USP54: variants seen among roughly 807,000 people sequenced by gnomAD.
USP54 encodes ubiquitin carboxyl-terminal hydrolase 54.
In USP54, 87 loss-of-function variants were observed where a neutral mutation model predicts 170.5. The ratio of observed to expected loss-of-function variants is 0.51; its 90% CI spans 0.43 to 0.61. The LOEUF (loss-of-function observed/expected upper bound fraction) is 0.61, where lower values mean the gene tolerates loss of function less well. Ranked by LOEUF, USP54 falls within the 20% of genes least tolerant of loss-of-function variation. The pLI is 0.00. For synonymous variants in USP54, 655 were observed against 742.8 expected (o/e 0.88, Z 1.92); for missense variants, 1,786 against 2,047.8 (o/e 0.87, Z 2.47).
At chr10:73,550,617 G>A (rs985967464) in intron 4 of USP54, among the ~76,000 whole-genome samples, 5 of 152,098 alleles carry the variant, frequency 3.3e-5, no homozygotes, top group African/African-American at 1.2e-4. Flanking sequence ...CATACAAAGT[G>A]TAACCGATAA....
At chr10:73,562,383 T>A (rs2073271626) in intron 4 of USP54, among the ~76,000 whole-genome samples, 1 of 152,176 alleles carries the variant, frequency 6.6e-6, no homozygotes, top group African/African-American at 2.4e-5. Context: ...ATTACATACT[T>A]ACATGAAATC....
Position 73,539,604 on chromosome 10 carries a change from A to C in USP54, c.826-11T>G. Reference sequence around the variant, plus strand: ...CACTCTGAAAAACAGCTGAGGGGAAAGAAGAGAAAAGAAAGCACAGTCACA... The same window carrying C: ...CACTCTGAAAAACAGCTGAGGGGAACGAAGAGAAAAGAAAGCACAGTCACA... On this transcript the variant is annotated splice_polypyrimidine_tract_variant and intron_variant, in intron 9 of 23. Transcript: ENST00000687698. 1 of 1,574,962 alleles carries C rather than the reference A, an allele frequency of 6.3e-7. No homozygotes were observed. The highest frequency in any genetic ancestry group is 8.7e-7 in the Non-Finnish European group (1 of 1,155,842).
intron 3 of USP54, among the ~76,000 whole-genome samples, chr10:73,571,715 A>T: frequency 6.6e-6 from 1 of 152,234 alleles, no homozygotes; most frequent in Non-Finnish European, 1.5e-5. Flanking sequence ...TCTGGGAAAG[A>T]TATTAATTTG....
At chr10:73,569,931 A>C (rs1361439518) in intron 4 of USP54, among the ~76,000 whole-genome samples, 2 of 145,140 alleles carry the variant, frequency 1.4e-5, no homozygotes, top group African/African-American at 5.0e-5. Flanking sequence ...AAAAAAAAAA[A>C]AAAAAAAAAC....
chr10:73,585,165 G>A (rs1447547399), intron 1 of USP54, among the ~76,000 whole-genome samples: 1 of 152,062 alleles, frequency 6.6e-6, no homozygotes, highest in Non-Finnish European at 1.5e-5. Flanking sequence ...TACCTACTTA[G>A]TCTACTGCTA....
chr10:73,557,619 G>A (rs1415560581), intron 4 of USP54, among the ~76,000 whole-genome samples: 10 of 151,882 alleles, frequency 6.6e-5, no homozygotes, highest in Non-Finnish European at 8.8e-5. Flanking sequence ...CCGAGTAGCT[G>A]GGACTACAGG....
rs757363500 is a variant in USP54 at position 73,523,792 on chromosome 10, C to A, written c.2195-42G>T. On this transcript the variant is annotated intron_variant, in intron 16 of 23. Coordinates refer to ENST00000687698, the MANE Select transcript of USP54 (RefSeq NM_001391956.1). The stretch of plus-strand genomic sequence containing the variant: ...GGAGAAGTCACCACATTTCCATTAC[C>A]AAGACTAAGTACTTGATGAATTTAT... 9 of 1,562,478 alleles carry A rather than the reference C, an allele frequency of 5.8e-6. No individual in the cohort carries two copies. The East Asian group carries it at 6.7e-5, about 12-fold the overall frequency.
In USP54 at chr10:73,616,659, T is replaced by TA. The variant is rs1448302737; in HGVS notation, c.-18+8907dup. Among the ~76,000 whole-genome samples the TA allele has an allele frequency of 7.3e-5, 11 of 149,792 alleles. 1 individual carries two copies. The highest frequency in any genetic ancestry group is 3.4e-3 in the Middle Eastern group (1 of 294). On this transcript the variant is annotated intron_variant, in intron 1 of 22. Coordinates refer to the USP54 transcript ENST00000339859. ...AGGAACTTAAAATTAAATTAAATTC[T>TA]AAAAAAAATACAAAAATTATCTGGG...
rs762481962 is a variant in USP54, at chr10:73,571,488, C to T, written c.173G>A (p.Arg58Gln). The change falls in exon 4 of 24, where the codon CGA becomes CAA. Residue 58 changes from arginine (R) to glutamine (Q), a missense_variant. By Grantham distance (43) the Arg-to-Gln change is conservative (BLOSUM62 1). This residue lies in a region of USP54 where 361 missense variants were observed against 455.0 expected (regional missense o/e 0.79). Coordinates refer to ENST00000687698, the MANE Select transcript of USP54 (RefSeq NM_001391956.1). Reference sequence around the variant, plus strand: ...AGTTGTAAGCTGCCTAAAGCTACGTCGGAAGATATCCAAGTGCCACAAAAC... The same window carrying T: ...AGTTGTAAGCTGCCTAAAGCTACGTTGGAAGATATCCAAGTGCCACAAAAC... ...LQVLWHLDIF[R>Q]RSFRQLTTHK... 3.1e-6 allele frequency: 5 copies of T among 1,613,456 alleles called. No individual in the cohort carries two copies. Among genetic ancestry groups the T allele is most frequent in the Admixed American group, 1.7e-5 (1 of 59,912 alleles).
At chr10:73,504,762 C>G (rs2058795530) in intron 22 of USP54, 88 bp downstream of exon 22, 2 of 1,567,520 alleles carry the variant, frequency 1.3e-6, no homozygotes, top group African/African-American at 1.4e-5. Context: ...TTACAACCTT[C>G]ACTTTCTCCC....
chr10:73,620,414 A>T (rs2080997381), intron 1 of USP54, among the ~76,000 whole-genome samples: 1 of 150,012 alleles, frequency 6.7e-6, no homozygotes, highest in African/African-American at 2.5e-5. Context: ...GCATTCTAGT[A>T]AGTCTAGAAC....
intron 10 of USP54, 122 bp downstream of exon 10, chr10:73,539,321 TA>T: frequency 1.3e-5 from 5 of 395,478 alleles, no homozygotes; most frequent in South Asian, 1.0e-4. Context: ...TATATATATA[TA>T]TGTTTTATAG....
intron 4 of USP54, among the ~76,000 whole-genome samples, chr10:73,567,469 G>A (rs183579072): frequency 3.9e-5 from 6 of 152,082 alleles, no homozygotes; most frequent in Admixed American, 2.0e-4. Flanking sequence ...TCAGGAGTTC[G>A]GGACCAGCCT....
Position 73,520,977 on chromosome 10 carries a change from C to G in USP54, c.2413G>C (p.Glu805Gln), listed in dbSNP as rs1329808449. 15 of 1,614,188 alleles carry G rather than the reference C, an allele frequency of 9.3e-6. No homozygotes were observed. The highest frequency in any genetic ancestry group is 1.3e-5 in the Non-Finnish European group (15 of 1,180,042). Residue 805 changes from glutamate (E) to glutamine (Q), a missense_variant, in exon 18 of 24, where the codon GAA (glutamate) becomes CAA (glutamine). Glu to Gln is a conservative substitution (Grantham distance 29). Transcript: ENST00000687698. ...TTCTGTTCCAGATGTAGTGACTCTT[C>G]AAACACTGACTCTGCCTCTTGCAGG... Reference protein sequence around the residue: ...RSLQEAESVFEESLHLEQKGD... With the variant: ...RSLQEAESVFQESLHLEQKGD...
At chr10:73,521,778 C>G (rs2061939877) in intron 17 of USP54, among the ~76,000 whole-genome samples, 1 of 152,218 alleles carries the variant, frequency 6.6e-6, no homozygotes, top group Non-Finnish European at 1.5e-5. Flanking sequence ...ATACAGCAAG[C>G]AGGGAATATT....
chr10:73,519,699 C>T (rs1364202338), intron 19 of USP54, 98 bp downstream of exon 19: 1 of 1,548,066 alleles, frequency 6.5e-7, no homozygotes, highest in Admixed American at 1.9e-5. Flanking sequence ...CTCCTCTCTC[C>T]CCTTCAGTCG....
chr10:73,529,761 G>T lies in USP54; in HGVS notation c.1979C>A (p.Ser660Tyr). The T allele has an allele frequency of 6.2e-7, 1 of 1,614,066 alleles. No individual in the cohort carries two copies. Among genetic ancestry groups the T allele is most frequent in the Non-Finnish European group, 8.5e-7 (1 of 1,179,918 alleles). The change falls in exon 15 of 24, where the codon TCT (serine) becomes TAT (tyrosine). Residue 660 changes from serine to tyrosine, a missense_variant. By Grantham distance (144) the Ser-to-Tyr change is moderately radical. Transcript: ENST00000687698. ...QHPRLIQRME[S>Y]GYESSERNSS... is the part of the protein sequence containing the mutation. ...GTTCCTCTCACTGCTTTCATAGCCAGATTCCATTCGCTGGATTAGTCGGGG... is the reference window on the plus strand; with the variant it reads ...GTTCCTCTCACTGCTTTCATAGCCATATTCCATTCGCTGGATTAGTCGGGG...
chr10:73,607,238 AG>A (rs2079723943), intron 1 of USP54, among the ~76,000 whole-genome samples: 1 of 151,412 alleles, frequency 6.6e-6, no homozygotes, highest in Non-Finnish European at 1.5e-5. Context: ...TGGAGGCTGC[AG>A]TGAGCCATAA....
At position 73,504,553 on chromosome 10, in the gene USP54, C is replaced by A. The variant is rs117266551; in HGVS notation, c.4311+297G>T. ...CTTTGATTAGTGCAGTGGGTTCTGA[C>A]CCAATCAGCAGCCTTTGCTTCTCAG... On this transcript the variant is annotated intron_variant, in intron 22 of 23. Transcript: ENST00000687698. 4,249 of 426,390 alleles carry A rather than the reference C, an allele frequency of 1.0e-2. 36 individuals carry two copies. Among genetic ancestry groups the A allele is most frequent in the Non-Finnish European group, 0.015 (3,537 of 231,154 alleles). 26.4% of individuals were successfully genotyped at this position (426,390 alleles called of 1,614,324 possible). A position where few individuals can be genotyped will look rare whatever the true frequency, so the allele number is the denominator to read the frequency against.
Sources: allele counts gnomAD v4.1 joint callset (sites outside exome capture counted in the v4.1 genomes callset), GRCh38; gene constraint gnomAD v4.1.1; regional missense constraint gnomAD v4.1.1; transcripts MANE v1.5; gene names NCBI Gene and HGNC (gene_info 2026-07-23, HGNC 2026-07-21).